APBA2: variants seen among roughly 807,000 people sequenced by gnomAD.
APBA2 encodes the protein amyloid-beta A4 precursor protein-binding family A member 2.
A neutral mutation model predicts 75.0 loss-of-function variants in APBA2; 30 were observed. The observed-to-expected ratio is 0.40, with a 90% CI of 0.30 to 0.54. The LOEUF is 0.54. Among genes scored for constraint, APBA2 ranks in the 20% least tolerant of loss-of-function variants. The probability of loss-of-function intolerance (pLI) is 0.49; values close to 1 mark genes in which losing one functional copy is unlikely to be tolerated. For missense variants in APBA2, 801 were observed against 1,016.1 expected, an observed-to-expected ratio of 0.79 and a Z score of 2.88; for synonymous variants, 444 against 409.6, an observed-to-expected ratio of 1.08 and a Z score of -1.01.
intron 2 of APBA2, among the ~76,000 whole-genome samples, chr15:28,979,831 C>G (rs528263222): frequency 6.6e-6 from 1 of 152,118 alleles, no homozygotes; most frequent in Non-Finnish European, 1.5e-5. Context: ...ATGAGACAGA[C>G]AGTGGAGTTA....
intron 2 of APBA2, among the ~76,000 whole-genome samples, chr15:28,992,983 G>A (rs114600112): frequency 6.6e-6 from 1 of 152,228 alleles, no homozygotes; most frequent in African/African-American, 2.4e-5. Flanking sequence ...ACAAACAGCC[G>A]AGGGGGACTG....
At position 29,054,815 on chromosome 15, in the gene APBA2, C is replaced by A; in HGVS notation, c.931C>A (p.Leu311Met). The A allele has an allele frequency of 6.2e-7, 1 of 1,600,052 alleles. No individual in the cohort carries two copies. The highest frequency in any genetic ancestry group is 8.5e-7 in the Non-Finnish European group (1 of 1,179,792). ...CAAGACCAGGACCCCAGAAGAGAGG[C>A]TGAAGTGGCCCCACGAGCAGGTAGG... is the stretch of plus-strand genomic sequence containing the variant. The part of the protein sequence containing the change: ...KPKTRTPEER[L>M]KWPHEQVCNG... The change falls in exon 4 of 15, where the codon CTG becomes ATG. Residue 311 changes from leucine (L) to methionine (M), a missense_variant. Coordinates refer to ENST00000683413, the MANE Select transcript of APBA2 (RefSeq NM_001353788.2). The surrounding 1 kb of genome is among the most constrained non-coding windows in gnomAD (Gnocchi z 6.1).
At chr15:29,016,134 G>A (rs75814576) in intron 3 of APBA2, among the ~76,000 whole-genome samples, 1 of 152,196 alleles carries the variant, frequency 6.6e-6, no homozygotes. Context: ...GCGCATGCCT[G>A]TGATCCCAGC....
chr15:29,097,337 C>T (rs983080055), intron 8 of APBA2, among the ~76,000 whole-genome samples: 10 of 152,266 alleles, frequency 6.6e-5, no homozygotes, highest in East Asian at 1.9e-4. Flanking sequence ...CCAGGCGTCC[C>T]GCCCCATCTC....
chr15:28,908,945 C>T (rs1207958237), intron 1 of APBA2, among the ~76,000 whole-genome samples: 5 of 151,542 alleles, frequency 3.3e-5, no homozygotes, highest in Admixed American at 2.6e-4. Flanking sequence ...CTAACTCCTC[C>T]TTCCACCTCC....
chr15:28,903,454 G>A (rs1197023272), intron 1 of APBA2, among the ~76,000 whole-genome samples: 1 of 152,206 alleles, frequency 6.6e-6, no homozygotes, highest in Non-Finnish European at 1.5e-5. Flanking sequence ...GTGGCCTGCT[G>A]GGGACACAGA....
chr15:28,931,574 A>C (rs1038765208), intron 2 of APBA2, among the ~76,000 whole-genome samples: 2 of 152,174 alleles, frequency 1.3e-5, no homozygotes, highest in Admixed American at 6.5e-5. Context: ...CATAGGGTCC[A>C]GCCGGGGAAG....
intron 2 of APBA2, among the ~76,000 whole-genome samples, chr15:28,922,350 G>A (rs918288222): frequency 1.3e-5 from 2 of 152,212 alleles, no homozygotes; most frequent in Admixed American, 1.3e-4. Flanking sequence ...CCCAGGGGCA[G>A]CAGCAGGGCA....
chr15:29,110,540 G>A (rs2044672163), intron 13 of APBA2, among the ~76,000 whole-genome samples: 1 of 152,226 alleles, frequency 6.6e-6, no homozygotes, highest in South Asian at 2.1e-4. Context: ...CCTACTCGTA[G>A]GGCCTGTGAA....
rs376327815 is a variant in APBA2 at position 29,054,635 on chromosome 15, G to A, written c.751G>A (p.Glu251Lys). The change falls in exon 4 of 15, where the codon GAG becomes AAG. Residue 251 changes from glutamate (E) to lysine (K), a missense_variant. Transcript: ENST00000683413. The surrounding 1 kb of genome is among the most constrained non-coding windows in gnomAD (Gnocchi z 6.1). ...CACCAGCGCCAGTGAGGCCAGCCCC[G>A]AGCATGGGCCTGAGCCAGGGCCTGA... is the stretch of plus-strand genomic sequence containing the variant. ...SITSASEASP[E>K]HGPEPGPEDS... 4.3e-6 allele frequency: 7 copies of A among 1,614,146 alleles called. No homozygotes were observed. The East Asian group carries it at 6.7e-5, about 15-fold the overall frequency.
intron 3 of APBA2, among the ~76,000 whole-genome samples, chr15:29,036,249 CTA>C (rs2040747992): frequency 8.9e-6 from 1 of 112,574 alleles, no homozygotes; most frequent in Admixed American, 8.5e-5. Flanking sequence ...TCTTAAAAAA[CTA>C]TTTTTTTTAA....
At chr15:28,987,755 C>CTT (rs1161611215) in intron 2 of APBA2, among the ~76,000 whole-genome samples, 11 of 92,822 alleles carry the variant, frequency 1.2e-4, no homozygotes, top group East Asian at 4.7e-4. Flanking sequence ...TATATATATT[C>CTT]TTTTTTTTTT....
At chr15:29,107,270 C>T (rs553069676) in intron 12 of APBA2, among the ~76,000 whole-genome samples, 11 of 152,310 alleles carry the variant, frequency 7.2e-5, no homozygotes, top group African/African-American at 1.9e-4. Context: ...GTAAGGAGGC[C>T]ACCCTGACCG....
rs558877765 is a variant in APBA2, at chr15:29,059,214, T to G, written c.951+4379T>G. On this transcript the variant is annotated intron_variant, in intron 4 of 14. Transcript: ENST00000683413. Reference sequence around the variant, plus strand: ...TTAATGTTCTTTGCATTTTTGTTGATATGTGTGTGTGTGTGTGTGTGTTGG... The same window carrying G: ...TTAATGTTCTTTGCATTTTTGTTGAGATGTGTGTGTGTGTGTGTGTGTTGG... Among the ~76,000 whole-genome samples the G allele has an allele frequency of 2.0e-5, 3 of 151,142 alleles. No homozygotes were observed. In the East Asian group the frequency reaches 5.8e-4, roughly 29 times the overall value.
chr15:29,075,929 C>T (rs2042828087), intron 5 of APBA2, 126 bp from the exon 6 acceptor site: 2 of 843,636 alleles, frequency 2.4e-6, no homozygotes, highest in Non-Finnish European at 4.0e-6. Context: ...ATCTTCAGAA[C>T]ACCATCACTC....
intron 3 of APBA2, among the ~76,000 whole-genome samples, chr15:29,044,824 CA>C: frequency 6.6e-6 from 1 of 152,140 alleles, no homozygotes; most frequent in Non-Finnish European, 1.5e-5. Context: ...GCTGCTATAT[CA>C]AAAAACACCA....
chr15:29,015,932 G>A (rs375095499), intron 3 of APBA2, among the ~76,000 whole-genome samples: 26 of 152,344 alleles, frequency 1.7e-4, no homozygotes, highest in African/African-American at 6.0e-4. Context: ...GTGAGGAACT[G>A]TGCGTGTATG....
intron 2 of APBA2, among the ~76,000 whole-genome samples, chr15:28,972,170 G>A (rs1459696005): frequency 6.6e-6 from 1 of 152,154 alleles, no homozygotes; most frequent in African/African-American, 2.4e-5. Flanking sequence ...AAGCACAGTA[G>A]GGATAGAAAT....
intron 3 of APBA2, among the ~76,000 whole-genome samples, chr15:28,996,393 A>T (rs1260729513): frequency 1.3e-5 from 2 of 152,114 alleles, no homozygotes; most frequent in Non-Finnish European, 2.9e-5. Context: ...CTCCCTGTGC[A>T]TGGAGCAGTA....
Sources: gnomAD v4.1 joint callset for allele counts (sites outside exome capture counted in the v4.1 genomes callset) on GRCh38, gnomAD v4.1.1 for gene constraint, Gnocchi (gnomAD v3.1) non-coding constraint, MANE v1.5 for transcripts, NCBI Gene and HGNC (gene_info 2026-07-23, HGNC 2026-07-21) for gene names.